The following PALM2AKAP2 variants were observed in gnomAD, a reference collection of about 807,000 sequenced individuals.
The protein encoded by PALM2AKAP2 is PALM2-AKAP2 fusion protein.
Under a neutral mutation model 71.5 loss-of-function variants are expected in PALM2AKAP2, and 37 were observed. The observed-to-expected ratio is 0.52, with a 90% CI of 0.40 to 0.68. The LOEUF (loss-of-function observed/expected upper bound fraction) is 0.68, where lower values mean the gene tolerates loss of function less well. PALM2AKAP2 is among the 30% of genes least tolerant of loss of function. The pLI is 0.00. For synonymous variants in PALM2AKAP2, 468 were observed against 478.8 expected (o/e 0.98, Z 0.29); for missense variants, 1,224 against 1,191.8 (o/e 1.03, Z -0.40).
chr9:109,746,074 C>T (rs909687975), intron 1 of PALM2AKAP2, among the ~76,000 whole-genome samples: 11 of 152,150 alleles, frequency 7.2e-5, no homozygotes, highest in African/African-American at 2.7e-4. Context: ...GGGTTCACAG[C>T]CCGGGAGGAA....
At chr9:109,868,872 G>C (rs990510726) in intron 2 of PALM2AKAP2, among the ~76,000 whole-genome samples, 4 of 152,196 alleles carry the variant, frequency 2.6e-5, no homozygotes, top group Non-Finnish European at 5.9e-5. Flanking sequence ...ATTCCTGAGG[G>C]AGGATGGAGG....
At chr9:109,917,827 C>G (rs1427257394) in intron 3 of PALM2AKAP2, among the ~76,000 whole-genome samples, 1 of 152,096 alleles carries the variant, frequency 6.6e-6, no homozygotes, top group Non-Finnish European at 1.5e-5. Flanking sequence ...TGTGGAAGTC[C>G]CTTCGGATCA....
At chr9:110,164,306 A>AG (rs1336789428) in intron 3 of PALM2AKAP2, among the ~76,000 whole-genome samples, 1 of 152,158 alleles carries the variant, frequency 6.6e-6, no homozygotes, top group Admixed American at 6.5e-5. Flanking sequence ...TAATATGAAT[A>AG]GGGTGATATT....
chr9:109,996,768 T>A (rs1832582091), intron 6 of PALM2AKAP2, among the ~76,000 whole-genome samples: 1 of 152,242 alleles, frequency 6.6e-6, no homozygotes, highest in African/African-American at 2.4e-5. Context: ...CAGATATGCA[T>A]CTGTGTGTGC....
At chr9:109,658,586 T>C (rs1171362663) in intron 1 of PALM2AKAP2, among the ~76,000 whole-genome samples, 5 of 152,202 alleles carry the variant, frequency 3.3e-5, no homozygotes, top group Non-Finnish European at 7.3e-5. Context: ...AAGACATACC[T>C]GAGACTGGGT....
intron 1 of PALM2AKAP2, among the ~76,000 whole-genome samples, chr9:109,740,061 A>G (rs929751199): frequency 6.6e-6 from 1 of 152,250 alleles, no homozygotes; most frequent in African/African-American, 2.4e-5. Context: ...TGTTTTGGCC[A>G]GCAATTTGAG....
intron 6 of PALM2AKAP2, among the ~76,000 whole-genome samples, chr9:109,957,184 G>A (rs1831762799): frequency 6.6e-6 from 1 of 152,202 alleles, no homozygotes; most frequent in Admixed American, 6.5e-5. Flanking sequence ...GCTGTCTCTG[G>A]CATAAGCAAT....
intron 1 of PALM2AKAP2, among the ~76,000 whole-genome samples, chr9:109,703,150 A>G (rs903260032): frequency 2.6e-5 from 4 of 152,102 alleles, no homozygotes; most frequent in Admixed American, 6.5e-5. Flanking sequence ...GACATTTCCC[A>G]TTTGGTTGAA....
At chr9:110,098,906 CA>C (rs780085632) in intron 1 of PALM2AKAP2, among the ~76,000 whole-genome samples, 5 of 152,120 alleles carry the variant, frequency 3.3e-5, no homozygotes, top group Non-Finnish European at 7.4e-5. Context: ...AAAAGCAGGC[CA>C]ACATTTCCAC....
At chr9:109,825,738 A>C (rs568927254) in intron 1 of PALM2AKAP2, among the ~76,000 whole-genome samples, 51 of 152,360 alleles carry the variant, frequency 3.3e-4, no homozygotes, top group Admixed American at 2.5e-3. Context: ...GGATGTGAAG[A>C]AATAGGAACA....
intron 1 of PALM2AKAP2, among the ~76,000 whole-genome samples, chr9:109,794,595 G>T (rs1406874849): frequency 2.0e-5 from 3 of 152,062 alleles, no homozygotes; most frequent in Non-Finnish European, 4.4e-5. Context: ...TGGAACCCTT[G>T]GGACCAGGGC....
intron 1 of PALM2AKAP2, among the ~76,000 whole-genome samples, chr9:110,071,273 G>A (rs888732615): frequency 6.6e-6 from 1 of 151,906 alleles, no homozygotes; most frequent in Admixed American, 6.6e-5. Context: ...TAGAGAGTCT[G>A]ATAGGTACTC....
At chr9:109,683,402 T>C in intron 1 of PALM2AKAP2, among the ~76,000 whole-genome samples, 1 of 152,058 alleles carries the variant, frequency 6.6e-6, no homozygotes, top group Non-Finnish European at 1.5e-5. Context: ...CATGTGGAAA[T>C]GGAGGCAGAG....
chr9:109,822,165 A>G (rs1828023149), intron 1 of PALM2AKAP2, among the ~76,000 whole-genome samples: 2 of 152,252 alleles, frequency 1.3e-5, no homozygotes, highest in African/African-American at 4.8e-5. Context: ...GGGGTGCCCC[A>G]CAGAATCGAA....
At chr9:109,942,178 G>T (rs1831386139) in intron 6 of PALM2AKAP2, among the ~76,000 whole-genome samples, 1 of 152,194 alleles carries the variant, frequency 6.6e-6, no homozygotes, top group South Asian at 2.1e-4. Context: ...AAAATATTCT[G>T]TTGTATAGTA....
chr9:109,868,625 G>GA (rs1398351374), intron 2 of PALM2AKAP2, among the ~76,000 whole-genome samples: 1 of 152,150 alleles, frequency 6.6e-6, no homozygotes, highest in Non-Finnish European at 1.5e-5. Context: ...CCCAAAATGA[G>GA]AACCATCAGC....
intron 1 of PALM2AKAP2, among the ~76,000 whole-genome samples, chr9:109,747,423 C>T (rs754751548): frequency 6.6e-6 from 1 of 152,062 alleles, no homozygotes; most frequent in Non-Finnish European, 1.5e-5. Context: ...TTTGCCTTGA[C>T]GTTCTTGGGG....
At chr9:109,786,671 C>T (rs996089961) in intron 1 of PALM2AKAP2, among the ~76,000 whole-genome samples, 3 of 152,150 alleles carry the variant, frequency 2.0e-5, no homozygotes, top group African/African-American at 7.2e-5. Flanking sequence ...ACCCAGCATG[C>T]ATAAGGGTCA....
chr9:109,684,077 G>A (rs1827775853), intron 1 of PALM2AKAP2, among the ~76,000 whole-genome samples: 1 of 151,986 alleles, frequency 6.6e-6, no homozygotes, highest in South Asian at 2.1e-4. Flanking sequence ...TTGCTTCTTT[G>A]CTTGTAGAAA....
Sources: allele counts gnomAD v4.1 joint callset (sites outside exome capture counted in the v4.1 genomes callset), GRCh38; gene constraint gnomAD v4.1.1; transcripts MANE v1.5; gene names NCBI Gene and HGNC (gene_info 2026-07-23, HGNC 2026-07-21).